CASK: variants seen among roughly 807,000 people sequenced by gnomAD.
CASK encodes peripheral plasma membrane protein CASK.
CASK carries 4 observed loss-of-function variants against 82.9 expected under a neutral mutation model. The ratio of observed to expected loss-of-function variants is 0.05; its 90% confidence interval spans 0.02 to 0.11. The LOEUF (loss-of-function observed/expected upper bound fraction) is 0.11. Among genes scored for constraint, CASK ranks in the 10% least tolerant of loss-of-function variants. The pLI, the probability that CASK is intolerant of heterozygous loss-of-function variation, is 1.00. For missense variants in CASK, 358 were observed against 720.9 expected (o/e 0.50, Z 5.76); for synonymous variants, 259 against 253.5 (o/e 1.02, Z -0.20).
intron 2 of CASK, among the ~76,000 whole-genome samples, chrX:41,837,653 G>A (rs2070952889): frequency 8.9e-6 from 1 of 112,316 alleles, no homozygotes; most frequent in Non-Finnish European, 1.9e-5. Context: ...TATCCAAGTA[G>A]TTGCATGCAT....
intron 2 of CASK, among the ~76,000 whole-genome samples, chrX:41,814,144 G>A (rs1368361429): frequency 8.9e-6 from 1 of 112,035 alleles, no homozygotes; most frequent in Non-Finnish European, 1.9e-5. Flanking sequence ...CACTGTTGGT[G>A]GGAGTGTAAA....
At chrX:41,703,854 A>C (rs1166496784) in intron 5 of CASK, among the ~76,000 whole-genome samples, 1 of 112,201 alleles carries the variant, frequency 8.9e-6, no homozygotes, top group Non-Finnish European at 1.9e-5. Context: ...CAACCTTACC[A>C]ACACTTGGTT....
chrX:41,862,460 G>A (rs781321880), intron 1 of CASK, among the ~76,000 whole-genome samples: 1 of 104,960 alleles, frequency 9.5e-6, no homozygotes, highest in South Asian at 4.6e-4. Context: ...GGAACTGCTT[G>A]AACCCAGAAG....
At chrX:41,695,621 T>G (rs1569403396) in intron 5 of CASK, 1 of 1,138,805 alleles carries the variant, frequency 8.8e-7, no homozygotes, top group Non-Finnish European at 1.2e-6. Context: ...CTTTTTGATC[T>G]CCACAGAAGA....
At chrX:41,529,011 A>G (rs2064756346) in intron 25 of CASK, among the ~76,000 whole-genome samples, 1 of 112,598 alleles carries the variant, frequency 8.9e-6, no homozygotes. Flanking sequence ...GTAGTCAACC[A>G]GACCAACAGG....
chrX:41,636,831 A>T (rs1184200643), intron 8 of CASK, among the ~76,000 whole-genome samples, 170 bp from the exon 9 acceptor site: 1 of 112,393 alleles, frequency 8.9e-6, no homozygotes, highest in African/African-American at 3.2e-5. Context: ...AGGGATATTA[A>T]GGTTAAACTG....
At position 41,655,829 on chromosome X, in the gene CASK, T is replaced by G. The variant is rs5963266; in HGVS notation, c.831+4610A>C. The stretch of plus-strand genomic sequence containing the variant: ...AGGTAAGATCACATTAGCTTGGCAG[T>G]TGAATTGCATTCTGAAGAAATGAAC... On this transcript the variant is annotated intron_variant, in intron 8 of 26. Transcript: ENST00000378163. 3.6e-5 allele frequency among the ~76,000 whole-genome samples: 4 copies of G among 111,834 alleles called. No homozygotes were observed. The East Asian group carries it at 1.1e-3, about 32-fold the overall frequency.
intron 2 of CASK, among the ~76,000 whole-genome samples, chrX:41,828,762 C>T (rs751856726): frequency 8.9e-6 from 1 of 111,958 alleles, no homozygotes; most frequent in Non-Finnish European, 1.9e-5. Flanking sequence ...AGAAATGGCA[C>T]TTACGTTGTA....
chrX:41,801,393 G>A (rs1329570742), intron 2 of CASK, among the ~76,000 whole-genome samples: 2 of 111,376 alleles, frequency 1.8e-5, no homozygotes, highest in Non-Finnish European at 3.8e-5. Flanking sequence ...TTCCTCCAAC[G>A]GGGTCAGACC....
At chrX:41,605,174 ATTGAG>A (rs1387812953) in intron 12 of CASK, among the ~76,000 whole-genome samples, 1 of 112,101 alleles carries the variant, frequency 8.9e-6, no homozygotes, top group African/African-American at 3.2e-5. Flanking sequence ...TTAGAATGTT[ATTGAG>A]TTAACAGAAA....
intron 2 of CASK, among the ~76,000 whole-genome samples, chrX:41,809,621 A>G (rs1483309434): frequency 1.8e-5 from 2 of 111,988 alleles, no homozygotes; most frequent in Non-Finnish European, 3.8e-5. Flanking sequence ...AAGGTAGATA[A>G]AACCACAAAG....
chrX:41,550,863 A>T (rs2065088045), intron 21 of CASK, among the ~76,000 whole-genome samples: 1 of 111,758 alleles, frequency 8.9e-6, no homozygotes, highest in African/African-American at 3.3e-5. Flanking sequence ...GTGAGCCATG[A>T]TCATGCCATT....
At chrX:41,698,538 G>T (rs1234357856) in intron 5 of CASK, among the ~76,000 whole-genome samples, 1 of 111,244 alleles carries the variant, frequency 9.0e-6, no homozygotes, top group Non-Finnish European at 1.9e-5. Context: ...GGAAGGAAGG[G>T]GTGCTTACAA....
At chrX:41,830,683 G>A (rs747687303) in intron 2 of CASK, among the ~76,000 whole-genome samples, 5 of 108,066 alleles carry the variant, frequency 4.6e-5, no homozygotes, top group Non-Finnish European at 9.6e-5. Flanking sequence ...AGCCGGGCGT[G>A]GTGGCGGGTG....
At chrX:41,529,042 C>A (rs1223440553) in intron 25 of CASK, among the ~76,000 whole-genome samples, 1 of 112,404 alleles carries the variant, frequency 8.9e-6, no homozygotes. Flanking sequence ...CCTGGGCAAT[C>A]CCTATCCCCA....
In CASK at chrX:41,738,978, C is replaced by T. The variant is rs2068549164; in HGVS notation, c.429+406G>A. On this transcript the variant is annotated intron_variant, in intron 5 of 26. Transcript: ENST00000378163. ...TTTAAAAACTATCTGCAAAAAAATA[C>T]AATGCTGACTATTCTGCATTGCAAT... Among the ~76,000 whole-genome samples the T allele has an allele frequency of 2.7e-5, 3 of 112,090 alleles. No individual in the cohort carries two copies. In the South Asian group the frequency reaches 1.1e-3, roughly 41 times the overall value.
chrX:41,856,866 A>G (rs1340802377), intron 1 of CASK, among the ~76,000 whole-genome samples: 3 of 109,544 alleles, frequency 2.7e-5, no homozygotes, highest in Non-Finnish European at 5.7e-5. Context: ...GGAAGTGGGT[A>G]TTATATGAAA....
chrX:41,594,610 G>A (rs2065791059), intron 12 of CASK, among the ~76,000 whole-genome samples: 1 of 111,906 alleles, frequency 8.9e-6, no homozygotes, highest in Non-Finnish European at 1.9e-5. Context: ...AGGCCGCCTG[G>A]GGCAGGCCAT....
intron 24 of CASK, among the ~76,000 whole-genome samples, 165 bp from the exon 25 acceptor site, chrX:41,531,374 C>T (rs1041925080): frequency 2.7e-5 from 3 of 111,813 alleles, no homozygotes; most frequent in Non-Finnish European, 5.6e-5. Context: ...GAACTAAATT[C>T]TAGAAACCAT....
Sources: gnomAD v4.1 joint callset for allele counts (sites outside exome capture counted in the v4.1 genomes callset) on GRCh38, gnomAD v4.1.1 for gene constraint, MANE v1.5 for transcripts, NCBI Gene and HGNC (gene_info 2026-07-23, HGNC 2026-07-21) for gene names.